The following KLRK1 variants were observed in gnomAD, a reference collection of about 807,000 sequenced individuals.
KLRK1 encodes killer cell lectin like receptor K1, also known as NKG2-D type II integral membrane protein.
Under a neutral mutation model 31.3 loss-of-function variants are expected in KLRK1, and 40 were observed. The ratio of observed to expected loss-of-function variants is 1.28; its 90% CI spans 0.99 to 1.67. The LOEUF (loss-of-function observed/expected upper bound fraction) is 1.67, where lower values mean the gene tolerates loss of function less well. Among genes scored for constraint, KLRK1 ranks in the 40% most tolerant of loss-of-function variants. The pLI, the probability that KLRK1 is intolerant of heterozygous loss-of-function variation, is 0.00. For synonymous variants in KLRK1, 77 were observed against 77.3 expected, an observed-to-expected ratio of 1.00 and a Z score of 0.02; for missense variants, 251 against 260.0, an observed-to-expected ratio of 0.97 and a Z score of 0.24.
chr12:10,379,670 G>A, intron 4 of KLRK1, 30 bp downstream of exon 4: 1 of 1,559,626 alleles, frequency 6.4e-7, no homozygotes, highest in South Asian at 1.2e-5. Context: ...AATTGACAAT[G>A]TTGCAATCTA....
chr12:10,379,270 G>T, intron 5 of KLRK1, 177 bp downstream of exon 5: 3 of 192,834 alleles, frequency 1.6e-5, no homozygotes, highest in Non-Finnish European at 2.1e-5. Flanking sequence ...TCAAACCTAA[G>T]TAGCCTCTAC....
At position 10,384,613 on chromosome 12, in the gene KLRK1, GACTTAAATA is replaced by G. The variant is rs1863133543; in HGVS notation, c.148+2281_148+2289del. ...AAAAATCAACTCAAAATGGATTAAT[GACTTAAATA>G]TAAGAACTGAATCTATAACACTACT... On this transcript the variant is annotated intron_variant, in intron 3 of 7. Transcript: ENST00000240618. Among the ~76,000 whole-genome samples, 7 of 152,030 alleles carry G rather than the reference GACTTAAATA, an allele frequency of 4.6e-5. No individual in the cohort carries two copies. The South Asian group carries it at 1.5e-3, about 32-fold the overall frequency.
intron 4 of KLRK1, 72 bp downstream of exon 4, chr12:10,379,628 A>G: frequency 8.9e-6 from 13 of 1,460,504 alleles, no homozygotes; most frequent in Non-Finnish European, 1.0e-5. Flanking sequence ...GTGTTTATGA[A>G]TACTAACAAA....
chr12:10,381,366 C>T (rs1375666933), intron 3 of KLRK1, among the ~76,000 whole-genome samples: 3 of 152,128 alleles, frequency 2.0e-5, no homozygotes, highest in African/African-American at 7.2e-5. Flanking sequence ...GGGAATTCAT[C>T]ACCACTAGAC....
At chr12:10,385,353 G>A (rs1352955797) in intron 3 of KLRK1, among the ~76,000 whole-genome samples, 2 of 94,878 alleles carry the variant, frequency 2.1e-5, no homozygotes, top group Non-Finnish European at 4.1e-5. Context: ...CAGATAAATA[G>A]CTAAGCACAC....
intron 2 of KLRK1, among the ~76,000 whole-genome samples, chr12:10,387,522 C>T (rs1158994975): frequency 2.0e-5 from 3 of 150,144 alleles, no homozygotes; most frequent in Non-Finnish European, 4.4e-5. Flanking sequence ...TCAATAACAT[C>T]AATCATTTAG....
At chr12:10,378,298 A>T in intron 6 of KLRK1, 63 bp from the exon 7 acceptor site, 1 of 1,527,314 alleles carries the variant, frequency 6.5e-7, no homozygotes, top group Non-Finnish European at 9.0e-7. Flanking sequence ...TAAACGCAAG[A>T]CCATAACCAT....
chr12:10,383,447 ATATAG>A (rs1469825393), intron 3 of KLRK1, among the ~76,000 whole-genome samples: 1 of 152,086 alleles, frequency 6.6e-6, no homozygotes, highest in Non-Finnish European at 1.5e-5. Context: ...CAGCAATATA[ATATAG>A]TATTTATAAG....
intron 2 of KLRK1, 28 bp downstream of exon 2, chr12:10,388,743 A>C: frequency 6.2e-7 from 1 of 1,613,258 alleles, no homozygotes. Flanking sequence ...TAAAAACAAA[A>C]CTACACACTT....
chr12:10,379,947 C>T (rs1014507019), intron 3 of KLRK1, 155 bp from the exon 4 acceptor site: 4 of 506,882 alleles, frequency 7.9e-6, no homozygotes, highest in African/African-American at 3.9e-5. Flanking sequence ...ATAAATACCT[C>T]GCAAATGATC....
rs897710944 is a variant in KLRK1, at chr12:10,388,890, A to T, written c.-65-15T>A. On this transcript the variant is annotated splice_polypyrimidine_tract_variant and intron_variant, in intron 1 of 7. Transcript: ENST00000240618. ...ACAAAGGATTCCTGAATAAAATAAAACTGGGCATTTGTTTTTTGTTCTCTT... is the reference window on the plus strand; with the variant it reads ...ACAAAGGATTCCTGAATAAAATAAATCTGGGCATTTGTTTTTTGTTCTCTT... 1.3e-6 allele frequency: 2 copies of T among 1,550,802 alleles called. No individual in the cohort carries two copies. Among genetic ancestry groups the T allele is most frequent in the African/African-American group, 1.4e-5 (1 of 73,220 alleles).
chr12:10,372,534 A>G lies in KLRK1; in HGVS notation c.*580T>C, dbSNP rs767147861. The G allele has an allele frequency of 1.3e-5, 2 of 148,836 alleles. No homozygotes were observed. Among genetic ancestry groups the G allele is most frequent in the Non-Finnish European group, 2.9e-5 (2 of 68,314 alleles). The allele number at this position is 148,836 out of a possible 1,614,324, so 9.2% of individuals were successfully genotyped here. A position where few individuals can be genotyped will look rare whatever the true frequency, so the allele number is the denominator to read the frequency against. ...CAGTCATGGGACTCAAGCAAGTACA[A>G]ATCATAGCAAAGGAAACGTCCTAAG... On this transcript the variant is annotated 3_prime_UTR_variant, in exon 8 of 8. Coordinates refer to ENST00000240618, the MANE Select transcript of KLRK1 (RefSeq NM_007360.4).
chr12:10,374,926 G>C (rs1388350547), intron 7 of KLRK1, among the ~76,000 whole-genome samples: 1 of 152,124 alleles, frequency 6.6e-6, no homozygotes, highest in Admixed American at 6.5e-5. Context: ...TGCATAAACA[G>C]AAAGTTAGTA....
chr12:10,383,557 G>A (rs1046678751), intron 3 of KLRK1, among the ~76,000 whole-genome samples: 2 of 151,984 alleles, frequency 1.3e-5, no homozygotes, highest in Non-Finnish European at 2.9e-5. Flanking sequence ...AAGGGCAGGG[G>A]AGTTCAACAA....
rs1175102365 is a variant in KLRK1, at chr12:10,378,684, G to C, written c.299C>G (p.Pro100Arg). ...ATTTTTGTAACATATCCAGTTTTTA[G>C]GACATGGGCCACAGTAACTTTCTGG... ...PLTESYCGPCPKNWICYKNNC... is the reference protein window; with the variant it reads ...PLTESYCGPCRKNWICYKNNC... The change falls in exon 6 of 8, where the codon CCT (proline) becomes CGT (arginine). Residue 100 changes from proline to arginine, a missense_variant. Physicochemically the swap from Pro to Arg is moderately radical, Grantham distance 103. Transcript: ENST00000240618. 3.1e-6 allele frequency: 5 copies of C among 1,605,712 alleles called. No homozygotes were observed. The highest frequency in any genetic ancestry group is 4.2e-6 in the Non-Finnish European group (5 of 1,177,870).
chr12:10,373,096 T>G lies in KLRK1; in HGVS notation c.*18A>C. 3.7e-6 allele frequency: 6 copies of G among 1,604,278 alleles called. No individual in the cohort carries two copies. Among genetic ancestry groups the G allele is most frequent in the Non-Finnish European group, 4.3e-6 (5 of 1,172,372 alleles). ...TCTCTTCTCTGTTCCTGGCTTTTAT[T>G]GAGATGGTTGATCATCTTTACACAG... On this transcript the variant is annotated 3_prime_UTR_variant, in exon 8 of 8. Coordinates refer to ENST00000240618, the MANE Select transcript of KLRK1 (RefSeq NM_007360.4).
At chr12:10,377,885 A>G (rs1335127956) in intron 7 of KLRK1, among the ~76,000 whole-genome samples, 7 of 152,222 alleles carry the variant, frequency 4.6e-5, no homozygotes, top group African/African-American at 1.7e-4. Flanking sequence ...TGTAAAACGA[A>G]CATATTAGAC....
Position 10,373,167 on chromosome 12 carries a change from T to C in KLRK1, c.598A>G (p.Ile200Val). The change falls in exon 8 of 8, where the codon ATA becomes GTA. Residue 200 changes from isoleucine (I) to valine (V), a missense_variant. Physicochemically the swap from Ile to Val is conservative, Grantham distance 29. Transcript: ENST00000240618. ...GTATTTGGAGTTGAACAGTTTTCTA[T>C]ATAGCCTTTAAAGCTCGAGGCATAG... ...ALYASSFKGY[I>V]ENCSTPNTYI... 1.2e-6 allele frequency: 2 copies of C among 1,612,656 alleles called. No individual in the cohort carries two copies. Among genetic ancestry groups the C allele is most frequent in the South Asian group, 1.1e-5 (1 of 90,720 alleles).
chr12:10,377,245 T>TAACA (rs1862984204), intron 7 of KLRK1, among the ~76,000 whole-genome samples: 1 of 152,224 alleles, frequency 6.6e-6, no homozygotes, highest in African/African-American at 2.4e-5. Flanking sequence ...CCACTTTGGA[T>TAACA]AACAGTGTGG....
Sources: allele counts gnomAD v4.1 joint callset (sites outside exome capture counted in the v4.1 genomes callset), GRCh38; gene constraint gnomAD v4.1.1; transcripts MANE v1.5; gene names NCBI Gene and HGNC (gene_info 2026-07-23, HGNC 2026-07-21).